The following KIAA0825 variants were observed in gnomAD, a reference collection of about 807,000 sequenced individuals.
The protein encoded by KIAA0825 is uncharacterized protein KIAA0825.
In KIAA0825, 119 loss-of-function variants were observed where a neutral mutation model predicts 147.6. The observed-to-expected ratio is 0.81, with a 90% confidence interval of 0.69 to 0.94. KIAA0825 has a LOEUF of 0.94. KIAA0825 is among the 40% of genes least tolerant of loss of function. The probability of loss-of-function intolerance (pLI) is 0.00; values close to 1 mark genes in which losing one functional copy is unlikely to be tolerated. For synonymous variants in KIAA0825, 470 were observed against 518.1 expected, an observed-to-expected ratio of 0.91 and a Z score of 1.26; for missense variants, 1,381 against 1,472.7, an observed-to-expected ratio of 0.94 and a Z score of 1.02.
intron 5 of KIAA0825, among the ~76,000 whole-genome samples, chr5:94,515,460 T>G (rs1406943605): frequency 6.6e-6 from 1 of 152,172 alleles, no homozygotes; most frequent in Non-Finnish European, 1.5e-5. Context: ...AAAAAAATAT[T>G]GTAGCATAAA....
intron 5 of KIAA0825, among the ~76,000 whole-genome samples, chr5:94,486,600 G>A (rs1447905515): frequency 2.0e-5 from 3 of 152,080 alleles, no homozygotes; most frequent in South Asian, 2.1e-4. Flanking sequence ...CTAAGTTGAC[G>A]TTAGCCCAAT....
intron 1 of KIAA0825, among the ~76,000 whole-genome samples, chr5:94,596,024 T>G (rs911873470): frequency 6.6e-6 from 1 of 152,216 alleles, no homozygotes; most frequent in Non-Finnish European, 1.5e-5. Context: ...GCAAATATTT[T>G]CTCCCACTCT....
At chr5:94,274,808 T>C (rs1777149634) in intron 20 of KIAA0825, among the ~76,000 whole-genome samples, 1 of 152,164 alleles carries the variant, frequency 6.6e-6, no homozygotes, top group South Asian at 2.1e-4. Flanking sequence ...AGGGAACTCA[T>C]GAGCTTCATC....
rs531356325 is a variant in KIAA0825, at chr5:94,574,219, C to T, written c.-2+8214G>A. Among the ~76,000 whole-genome samples the T allele has an allele frequency of 9.6e-4, 146 of 152,148 alleles. 1 individual carries two copies. The highest frequency in any genetic ancestry group is 3.4e-3 in the African/African-American group (141 of 41,508). ...TCTCTCACTATACATAGGTTCAAGC[C>T]CTCTCCAACTTGAGGAACGATCCAC... On this transcript the variant is annotated intron_variant, in intron 2 of 20. Coordinates refer to ENST00000682413, the MANE Select transcript of KIAA0825 (RefSeq NM_001145678.3).
At chr5:94,288,141 A>G (rs1375796616) in intron 20 of KIAA0825, among the ~76,000 whole-genome samples, 1 of 152,148 alleles carries the variant, frequency 6.6e-6, no homozygotes, top group African/African-American at 2.4e-5. Context: ...GAGAGGAGGT[A>G]ACTAAAATGA....
At chr5:94,386,754 C>CA (rs901814555) in intron 18 of KIAA0825, among the ~76,000 whole-genome samples, 2 of 152,184 alleles carry the variant, frequency 1.3e-5, no homozygotes, top group Non-Finnish European at 2.9e-5. Context: ...AACTCATCTG[C>CA]ATGATTATTC....
intron 1 of KIAA0825, among the ~76,000 whole-genome samples, chr5:94,613,329 TG>T (rs1214665119): frequency 6.6e-6 from 1 of 152,116 alleles, no homozygotes; most frequent in Non-Finnish European, 1.5e-5. Context: ...CAGGAGTAGC[TG>T]GGATTACATG....
At chr5:94,364,506 C>G (rs528070832) in intron 20 of KIAA0825, among the ~76,000 whole-genome samples, 1 of 151,962 alleles carries the variant, frequency 6.6e-6, no homozygotes, top group Non-Finnish European at 1.5e-5. Flanking sequence ...CTCAGCCTCC[C>G]GAGTAGCTGG....
chr5:94,415,293 A>G (rs1374521564), intron 15 of KIAA0825: 1 of 152,188 alleles, frequency 6.6e-6, no homozygotes, highest in Non-Finnish European at 1.5e-5. Flanking sequence ...TAATCTGGGT[A>G]GGTTAATTAT....
At chr5:94,268,795 T>C (rs1186290442) in intron 20 of KIAA0825, among the ~76,000 whole-genome samples, 1 of 152,172 alleles carries the variant, frequency 6.6e-6, no homozygotes, top group Non-Finnish European at 1.5e-5. Flanking sequence ...TTCCTCCTAA[T>C]ATTTGATTTA....
intron 20 of KIAA0825, among the ~76,000 whole-genome samples, chr5:94,218,269 T>C (rs1370704881): frequency 6.6e-6 from 1 of 152,198 alleles, no homozygotes; most frequent in Non-Finnish European, 1.5e-5. Context: ...TCATACCTTT[T>C]TCTCATGCTT....
chr5:94,523,985 G>A lies in KIAA0825; in HGVS notation c.245C>T (p.Thr82Ile). 2.2e-5 allele frequency: 36 copies of A among 1,607,742 alleles called. No individual in the cohort carries two copies. The highest frequency in any genetic ancestry group is 3.0e-5 in the Non-Finnish European group (35 of 1,175,878). Residue 82 changes from threonine to isoleucine, a missense_variant, in exon 4 of 21, where the codon ACA (threonine) becomes ATA (isoleucine). By Grantham distance (89) the Thr-to-Ile change is moderately conservative. Transcript: ENST00000682413. Reference protein sequence around the residue: ...FEWLTNYNYSTSESSFISHGD... With the variant: ...FEWLTNYNYSISESSFISHGD... ...ATGAGAAATGAAAGATGATTCAGAT[G>A]TACTGTAATTATAGTTAGTTAGCCA...
At chr5:94,155,543 T>A (rs1766966215) in intron 20 of KIAA0825, among the ~76,000 whole-genome samples, 1 of 152,096 alleles carries the variant, frequency 6.6e-6, no homozygotes, top group Admixed American at 6.6e-5. Flanking sequence ...AGTTTCCTTT[T>A]TGGAGTGCTG....
At chr5:94,234,803 C>T (rs1304070497) in intron 20 of KIAA0825, among the ~76,000 whole-genome samples, 2 of 152,176 alleles carry the variant, frequency 1.3e-5, no homozygotes, top group Non-Finnish European at 2.9e-5. Flanking sequence ...TCCCACCAGC[C>T]TCACCTCCAA....
chr5:94,282,415 CATA>C, intron 20 of KIAA0825, among the ~76,000 whole-genome samples: 1 of 151,922 alleles, frequency 6.6e-6, no homozygotes, highest in African/African-American at 2.4e-5. Flanking sequence ...ACCATAAAGC[CATA>C]ATATTAAAAC....
intron 20 of KIAA0825, among the ~76,000 whole-genome samples, chr5:94,271,822 C>T (rs1313315300): frequency 1.3e-5 from 2 of 151,922 alleles, no homozygotes; most frequent in South Asian, 2.1e-4. Context: ...AGGTATATAC[C>T]GAAAAGAATG....
chr5:94,203,694 T>C (rs1002280419), intron 20 of KIAA0825, among the ~76,000 whole-genome samples: 5 of 152,170 alleles, frequency 3.3e-5, no homozygotes, highest in African/African-American at 1.2e-4. Context: ...TAACAGATAC[T>C]CGAGTATCTG....
At chr5:94,545,028 C>T (rs1774065992) in intron 2 of KIAA0825, among the ~76,000 whole-genome samples, 1 of 151,896 alleles carries the variant, frequency 6.6e-6, no homozygotes, top group Admixed American at 6.6e-5. Context: ...ACAATCTATG[C>T]ACTTAGAAGA....
At chr5:94,311,632 A>G (rs1779189515) in intron 20 of KIAA0825, among the ~76,000 whole-genome samples, 1 of 151,572 alleles carries the variant, frequency 6.6e-6, no homozygotes, top group South Asian at 2.1e-4. Context: ...TTTTTATGAA[A>G]AGCTAATGGC....
Sources: allele counts gnomAD v4.1 joint callset (sites outside exome capture counted in the v4.1 genomes callset), GRCh38; gene constraint gnomAD v4.1.1; transcripts MANE v1.5; gene names NCBI Gene and HGNC (gene_info 2026-07-23, HGNC 2026-07-21).